ZNF267: variants seen among roughly 807,000 people sequenced by gnomAD.
The protein encoded by ZNF267 is zinc finger (C2H2).
ZNF267 carries 61 observed loss-of-function variants against 71.6 expected under a neutral mutation model. The ratio of observed to expected loss-of-function variants is 0.85; its 90% CI spans 0.69 to 1.05. The LOEUF is 1.05. ZNF267 is among the 50% of genes least tolerant of loss of function. The pLI is 0.00. For missense variants in ZNF267, 852 were observed against 870.0 expected (o/e 0.98, Z 0.26); for synonymous variants, 288 against 293.2 (o/e 0.98, Z 0.18).
chr16:31,874,001 G>GA, intron 1 of ZNF267, 32 bp downstream of exon 1: 2 of 1,604,730 alleles, frequency 1.2e-6, no homozygotes, highest in Non-Finnish European at 8.5e-7. Context: ...TCCCCAGAGG[G>GA]AGGGAGGGCG....
chr16:31,878,954 T>A (rs1506907), intron 1 of ZNF267, among the ~76,000 whole-genome samples: 130,140 of 152,048 alleles, frequency 0.86, 57,589 homozygotes, highest in East Asian at 1. Flanking sequence ...TTTTTTTTTT[T>A]CTTAAAGCAT....
intron 3 of ZNF267, among the ~76,000 whole-genome samples, chr16:31,900,490 G>C (rs1233838518): frequency 6.6e-6 from 1 of 152,034 alleles, no homozygotes; most frequent in East Asian, 1.9e-4. Context: ...TGCCACCCAG[G>C]CTGGAGTGTG....
intron 3 of ZNF267, among the ~76,000 whole-genome samples, chr16:31,889,465 C>G (rs775648705): frequency 6.6e-6 from 1 of 152,064 alleles, no homozygotes; most frequent in Non-Finnish European, 1.5e-5. Context: ...TCTTGTGTTT[C>G]CAATTTCATT....
chr16:31,901,340 G>T (rs569758425), intron 3 of ZNF267, among the ~76,000 whole-genome samples: 1 of 152,236 alleles, frequency 6.6e-6, no homozygotes, highest in South Asian at 2.1e-4. Context: ...TGGGTCAAAT[G>T]GTATTTCTAG....
chr16:31,886,585 T>C (rs781158267), intron 3 of ZNF267, among the ~76,000 whole-genome samples: 1 of 152,158 alleles, frequency 6.6e-6, no homozygotes, highest in African/African-American at 2.4e-5. Context: ...CATGGAAAAA[T>C]TGTTTTCCAT....
intron 3 of ZNF267, among the ~76,000 whole-genome samples, chr16:31,901,250 A>C (rs80126663): frequency 0.98 from 141,214 of 144,108 alleles, 69,229 homozygotes; most frequent in Middle Eastern, 1. Context: ...GAATACTGCC[A>C]CAATAAACAT....
intron 1 of ZNF267, among the ~76,000 whole-genome samples, chr16:31,876,879 C>T (rs2083856084): frequency 6.6e-6 from 1 of 152,136 alleles, no homozygotes. Flanking sequence ...GGGAGTTTCC[C>T]CTGCAGGTTT....
In ZNF267 at chr16:31,914,655, T is replaced by C; in HGVS notation, c.406T>C (p.Tyr136His). 2.5e-6 allele frequency: 4 copies of C among 1,613,996 alleles called. No individual in the cohort carries two copies. The highest frequency in any genetic ancestry group is 2.5e-6 in the Non-Finnish European group (3 of 1,179,986). The change falls in exon 4 of 4, where the codon TAT becomes CAT. Residue 136 changes from tyrosine (Y) to histidine (H), a missense_variant. Coordinates refer to ENST00000300870, the MANE Select transcript of ZNF267 (RefSeq NM_003414.6). ...ATGTTATGATGAAAAGACTTTTAAA[T>C]ATGATCAATTTGATGAATCCTCTGT... is the stretch of plus-strand genomic sequence containing the variant. ...NGCYDEKTFK[Y>H]DQFDESSVES...
intron 1 of ZNF267, among the ~76,000 whole-genome samples, chr16:31,883,781 A>G (rs1184064180): frequency 3.3e-5 from 5 of 152,250 alleles, no homozygotes; most frequent in African/African-American, 1.2e-4. Context: ...TCTCAGTTTC[A>G]CATCATGCCT....
chr16:31,884,900 T>G (rs923290480), intron 2 of ZNF267, among the ~76,000 whole-genome samples: 2 of 152,152 alleles, frequency 1.3e-5, no homozygotes, highest in Non-Finnish European at 2.9e-5. Flanking sequence ...CAATTTTTTT[T>G]GTTTGTTTTT....
chr16:31,882,983 A>T (rs2083900250), intron 1 of ZNF267, among the ~76,000 whole-genome samples: 1 of 152,204 alleles, frequency 6.6e-6, no homozygotes, highest in Admixed American at 6.5e-5. Flanking sequence ...CTTTCTTTGC[A>T]GAGTAAAGGC....
At position 31,908,042 on chromosome 16, in the gene ZNF267, CA is replaced by C. The variant is rs879257328; in HGVS notation, c.227-6422del. ...TGGGTGACAACGCAAGACTCTGTCTCAAAAAAAAAAAATAATACTAATAATA... is the reference window on the plus strand; with the variant it reads ...TGGGTGACAACGCAAGACTCTGTCTCAAAAAAAAAAATAATACTAATAATA... On this transcript the variant is annotated intron_variant, in intron 3 of 3. Coordinates refer to ENST00000300870, the MANE Select transcript of ZNF267 (RefSeq NM_003414.6). Among the ~76,000 whole-genome samples, 375 of 138,934 alleles carry C rather than the reference CA, an allele frequency of 2.7e-3. 1 individual carries two copies. The highest frequency in any genetic ancestry group is 7.0e-3 in the African/African-American group (267 of 37,910). The allele number at this position is 138,934 out of a possible 152,430, so 91.1% of individuals were successfully genotyped here.
At chr16:31,900,698 C>T (rs35844312) in intron 3 of ZNF267, among the ~76,000 whole-genome samples, 2,206 of 151,288 alleles carry the variant, frequency 0.015, 206 homozygotes, top group Admixed American at 0.13. Flanking sequence ...CCCGTCTTGG[C>T]CTCCCAAAGT....
chr16:31,878,712 C>T (rs114635946), intron 1 of ZNF267, among the ~76,000 whole-genome samples: 23 of 152,328 alleles, frequency 1.5e-4, no homozygotes, highest in Admixed American at 6.5e-4. Context: ...GCCCCCTGCT[C>T]ATGGCTCAAT....
intron 3 of ZNF267, among the ~76,000 whole-genome samples, chr16:31,898,562 G>A (rs1158698715): frequency 6.9e-6 from 1 of 145,556 alleles, no homozygotes; most frequent in Non-Finnish European, 1.5e-5. Flanking sequence ...TTTTTATAGT[G>A]GCATATTTTG....
chr16:31,874,036 C>T (rs531414475), intron 1 of ZNF267, 67 bp downstream of exon 1: 1 of 1,564,878 alleles, frequency 6.4e-7, no homozygotes, highest in Admixed American at 1.7e-5. Flanking sequence ...CGGGAACCCG[C>T]TGTAGGGGCA....
At chr16:31,902,520 T>C (rs2084050373) in intron 3 of ZNF267, among the ~76,000 whole-genome samples, 1 of 152,122 alleles carries the variant, frequency 6.6e-6, no homozygotes, top group Non-Finnish European at 1.5e-5. Context: ...CCCTTGTAAG[T>C]TGGATTCCTA....
chr16:31,884,749 G>T, intron 2 of ZNF267, 125 bp downstream of exon 2: 3 of 1,017,536 alleles, frequency 2.9e-6, no homozygotes, highest in Non-Finnish European at 4.1e-6. Context: ...AAAAAAATAG[G>T]GGTTTTGTTG....
Position 31,884,644 on chromosome 16 carries a change from G to A in ZNF267, c.130+20G>A, listed in dbSNP as rs189455689. ...CTCTGGGTGAGGATAACTTGCCTTC[G>A]GAATATCTAATAACTAAGAGTTTTA... On this transcript the variant is annotated intron_variant, in intron 2 of 3. Transcript: ENST00000300870. 1.1e-5 allele frequency: 18 copies of A among 1,602,844 alleles called. No individual in the cohort carries two copies. Among genetic ancestry groups the A allele is most frequent in the East Asian group, 2.2e-5 (1 of 44,614 alleles).
Sources: allele counts gnomAD v4.1 joint callset (sites outside exome capture counted in the v4.1 genomes callset), GRCh38; gene constraint gnomAD v4.1.1; transcripts MANE v1.5; gene names NCBI Gene and HGNC (gene_info 2026-07-23, HGNC 2026-07-21).